KRT8: variants seen among roughly 807,000 people sequenced by gnomAD.
KRT8 encodes keratin 8.
KRT8 carries 24 observed loss-of-function variants against 43.0 expected under a neutral mutation model. That is an observed-to-expected ratio of 0.56 (90% CI 0.40 to 0.78). The LOEUF (loss-of-function observed/expected upper bound fraction) is 0.78, where lower values mean the gene tolerates loss of function less well. KRT8 is among the 30% of genes least tolerant of loss of function. KRT8 has a pLI of 0.00. For missense variants in KRT8, 492 were observed against 638.4 expected, an observed-to-expected ratio of 0.77 and a Z score of 2.47; for synonymous variants, 214 against 261.2, an observed-to-expected ratio of 0.82 and a Z score of 1.74.
upstream of KRT8, among the ~76,000 whole-genome samples, chr12:52,910,305 C>T (rs1043972441): frequency 1.3e-5 from 2 of 152,240 alleles, no homozygotes; most frequent in Non-Finnish European, 2.9e-5. Flanking sequence ...CTCGGTACAG[C>T]CAGAGTCAGG....
intron 2 of KRT8, among the ~76,000 whole-genome samples, chr12:52,938,136 C>CTATACA (rs1555189938): frequency 1.3e-3 from 59 of 44,048 alleles, no homozygotes; most frequent in African/African-American, 4.2e-3. Context: ...CACTAGAAAG[C>CTATACA]TATATATATA....
exon 1 of KRT8, chr12:52,904,911 G>T (rs774320109): frequency 5.6e-6 from 9 of 1,612,734 alleles, no homozygotes; most frequent in African/African-American, 1.3e-5. Context: ...ACTCGTGTAG[G>T]AGCGGCTGCT....
chr12:52,898,547 A>T, intron 6 of KRT8, 28 bp from the exon 7 acceptor site: 2 of 1,613,740 alleles, frequency 1.2e-6, no homozygotes, highest in Non-Finnish European at 8.5e-7. Context: ...GGGTGTCAGG[A>T]CCAACTCCTA....
upstream of KRT8, among the ~76,000 whole-genome samples, chr12:52,907,530 T>C (rs891139809): frequency 6.6e-6 from 1 of 152,170 alleles, no homozygotes; most frequent in Non-Finnish European, 1.5e-5. Context: ...CACCCCACCT[T>C]TCTGGTTCCC....
chr12:52,911,750 G>T (rs1280189813), upstream of KRT8, among the ~76,000 whole-genome samples: 3 of 151,958 alleles, frequency 2.0e-5, no homozygotes, highest in Non-Finnish European at 4.4e-5. Flanking sequence ...AAAGTGGTAT[G>T]GGCCGGGCGT....
upstream of KRT8, among the ~76,000 whole-genome samples, chr12:52,907,649 C>G (rs1367567464): frequency 6.6e-6 from 1 of 152,184 alleles, no homozygotes; most frequent in African/African-American, 2.4e-5. Flanking sequence ...CAGGGGAAGC[C>G]CTTTTTTTCT....
chr12:52,908,046 A>G (rs1435861208), upstream of KRT8, among the ~76,000 whole-genome samples: 2 of 152,194 alleles, frequency 1.3e-5, no homozygotes, highest in Non-Finnish European at 2.9e-5. Context: ...CCAGGGAAGG[A>G]GGAGACACTC....
chr12:52,917,235 T>C (rs953558487), intron 2 of KRT8, among the ~76,000 whole-genome samples: 5 of 151,044 alleles, frequency 3.3e-5, no homozygotes, highest in Non-Finnish European at 5.9e-5. Flanking sequence ...GGTAAAAAAA[T>C]ATATATATAC....
intron 1 of KRT8, among the ~76,000 whole-genome samples, chr12:52,904,284 G>A (rs1941456162): frequency 6.6e-6 from 1 of 152,102 alleles, no homozygotes; most frequent in Admixed American, 6.5e-5. Flanking sequence ...CTCGGGTTGG[G>A]GTGAGAACAA....
chr12:52,916,578 C>T (rs998077935), intron 2 of KRT8, among the ~76,000 whole-genome samples: 1 of 152,206 alleles, frequency 6.6e-6, no homozygotes, highest in African/African-American at 2.4e-5. Flanking sequence ...GTCTCAGTGC[C>T]AGCATCTGCC....
intron 2 of KRT8, among the ~76,000 whole-genome samples, chr12:52,943,123 A>G (rs1160839952): frequency 6.6e-6 from 1 of 152,150 alleles, no homozygotes; most frequent in Non-Finnish European, 1.5e-5. Flanking sequence ...GATCAGCTTT[A>G]CTAAACTGTC....
At chr12:52,945,935 C>T (rs1448206010) in intron 2 of KRT8, among the ~76,000 whole-genome samples, 4 of 152,096 alleles carry the variant, frequency 2.6e-5, no homozygotes. Flanking sequence ...ACCTTCACCC[C>T]AGCTCTCCAA....
chr12:52,898,497 T>C, exon 7 of KRT8: 3 of 1,614,088 alleles, frequency 1.9e-6, no homozygotes, highest in African/African-American at 1.3e-5. Context: ...TGAATACTCA[T>C]GTTCTGCATC....
intron 2 of KRT8, among the ~76,000 whole-genome samples, chr12:52,931,604 C>A (rs974548063): frequency 6.6e-6 from 1 of 151,902 alleles, no homozygotes; most frequent in African/African-American, 2.4e-5. Context: ...TCTTCACTAA[C>A]CTTTCCCACT....
At chr12:52,910,878 G>T (rs909289210), upstream of KRT8, among the ~76,000 whole-genome samples, 4 of 152,178 alleles carry the variant, frequency 2.6e-5, no homozygotes, top group East Asian at 7.7e-4. Flanking sequence ...TGGGAGTTGG[G>T]GACAGGGACT....
intron 2 of KRT8, among the ~76,000 whole-genome samples, chr12:52,912,681 C>G (rs1299225597): frequency 2.0e-5 from 3 of 152,226 alleles, no homozygotes; most frequent in African/African-American, 7.2e-5. Flanking sequence ...GCCTCCATGT[C>G]TCATCCCACC....
intron 2 of KRT8, among the ~76,000 whole-genome samples, chr12:52,914,840 G>A (rs187973378): frequency 3.3e-5 from 5 of 152,200 alleles, no homozygotes; most frequent in South Asian, 2.1e-4. Flanking sequence ...CTTCGTCCTC[G>A]GGCAGGCCAT....
upstream of KRT8, among the ~76,000 whole-genome samples, chr12:52,906,053 C>G (rs1272693312): frequency 6.6e-6 from 1 of 152,208 alleles, no homozygotes; most frequent in African/African-American, 2.4e-5. Context: ...TGCACTCCAG[C>G]CTGGGCGACA....
intron 2 of KRT8, among the ~76,000 whole-genome samples, chr12:52,922,595 C>T (rs539312839): frequency 2.2e-4 from 33 of 152,206 alleles, no homozygotes; most frequent in Middle Eastern, 6.3e-3. Flanking sequence ...ATCGCTTGAA[C>T]CCAGGAGGCA....
Sources: allele counts gnomAD v4.1 joint callset (sites outside exome capture counted in the v4.1 genomes callset), GRCh38; gene constraint gnomAD v4.1.1; transcripts MANE v1.5; gene names NCBI Gene and HGNC (gene_info 2026-07-23, HGNC 2026-07-21).